GPR39: variants seen among roughly 807,000 people sequenced by gnomAD.
GPR39 encodes the protein G protein-coupled receptor 39.
A neutral mutation model predicts 18.4 loss-of-function variants in GPR39; 23 were observed. That is an observed-to-expected ratio of 1.25 (90% confidence interval 0.90 to 1.77). The LOEUF is 1.77. Ranked by LOEUF, GPR39 falls within the 40% of genes most tolerant of loss-of-function variation. The pLI, the probability that GPR39 is intolerant of heterozygous loss-of-function variation, is 0.00. For synonymous variants in GPR39, 280 were observed against 257.9 expected (o/e 1.09, Z -0.82); for missense variants, 647 against 602.4 (o/e 1.07, Z -0.78).
intron 1 of GPR39, among the ~76,000 whole-genome samples, chr2:132,491,257 A>G (rs1681454719): frequency 6.6e-6 from 1 of 152,156 alleles, no homozygotes. Flanking sequence ...GCCCAGCTTG[A>G]GAAGAGAAGA....
chr2:132,480,529 A>G (rs1275286195), intron 1 of GPR39, among the ~76,000 whole-genome samples: 1 of 152,170 alleles, frequency 6.6e-6, no homozygotes, highest in Non-Finnish European at 1.5e-5. Flanking sequence ...CTGTTGCCCT[A>G]GGCTTGATGA....
intron 1 of GPR39, among the ~76,000 whole-genome samples, chr2:132,424,868 C>A (rs1680089508): frequency 6.6e-6 from 1 of 152,148 alleles, no homozygotes; most frequent in Non-Finnish European, 1.5e-5. Flanking sequence ...ATTAGGCAGA[C>A]CTCTGGCCCT....
chr2:132,464,856 C>A (rs1436865735), intron 1 of GPR39, among the ~76,000 whole-genome samples: 1 of 152,262 alleles, frequency 6.6e-6, no homozygotes, highest in East Asian at 1.9e-4. Context: ...TAGTCTTGTT[C>A]TCTTACACGT....
chr2:132,557,251 G>A (rs991903518), intron 1 of GPR39, among the ~76,000 whole-genome samples: 2 of 152,160 alleles, frequency 1.3e-5, no homozygotes, highest in African/African-American at 4.8e-5. Context: ...CCCAGGAGGG[G>A]AAGTTGGAGT....
chr2:132,533,315 G>A (rs1024012109), intron 1 of GPR39, among the ~76,000 whole-genome samples: 7 of 151,864 alleles, frequency 4.6e-5, no homozygotes, highest in African/African-American at 1.5e-4. Context: ...TTCAAGGAGA[G>A]CTACAAACCA....
chr2:132,591,364 T>TTGAACAC (rs1680840825), intron 1 of GPR39, among the ~76,000 whole-genome samples: 1 of 151,828 alleles, frequency 6.6e-6, no homozygotes, highest in South Asian at 2.1e-4. Flanking sequence ...CTTCCTGCCC[T>TTGAACAC]TGAACACTGG....
intron 1 of GPR39, among the ~76,000 whole-genome samples, chr2:132,612,688 G>A (rs937295722): frequency 1.3e-5 from 2 of 152,174 alleles, no homozygotes; most frequent in African/African-American, 4.8e-5. Flanking sequence ...CTGTTGCTCA[G>A]TTTATTTTTG....
At chr2:132,418,311 T>G (rs1241269862) in intron 1 of GPR39, among the ~76,000 whole-genome samples, 9 of 152,328 alleles carry the variant, frequency 5.9e-5, no homozygotes, top group Non-Finnish European at 1.2e-4. Flanking sequence ...GGGAACCGTC[T>G]TATCTAGCTC....
intron 1 of GPR39, among the ~76,000 whole-genome samples, chr2:132,611,647 A>C (rs1294888047): frequency 5.4e-5 from 8 of 149,196 alleles, no homozygotes; most frequent in Admixed American, 5.4e-4. Context: ...AAAAAAGTGG[A>C]GCTTCATGGC....
rs543435488 is a variant in GPR39, at chr2:132,453,851, G to A, written c.856+35953G>A. Among the ~76,000 whole-genome samples the A allele has an allele frequency of 2.6e-5, 4 of 152,164 alleles. No homozygotes were observed. The South Asian group carries it at 8.3e-4, about 32-fold the overall frequency. ...TTTCATTGGTCTATATGTCTGTTTT[G>A]GTATCAGCACCATGCTGTTTTGGTT... On this transcript the variant is annotated intron_variant, in intron 1 of 1. Coordinates refer to ENST00000329321, the MANE Select transcript of GPR39 (RefSeq NM_001508.3).
intron 1 of GPR39, among the ~76,000 whole-genome samples, chr2:132,590,818 CGTGTGTGT>C (rs3066458): frequency 6.2e-5 from 9 of 144,006 alleles, no homozygotes; most frequent in East Asian, 4.2e-4. Flanking sequence ...AAGTATTGTT[CGTGTGTGT>C]GTGTGTGTGT....
intron 1 of GPR39, among the ~76,000 whole-genome samples, chr2:132,542,065 C>T (rs745617692): frequency 5.9e-5 from 9 of 152,096 alleles, no homozygotes; most frequent in Non-Finnish European, 1.3e-4. Context: ...GCTCTCAGGA[C>T]CTAATCAACT....
intron 1 of GPR39, among the ~76,000 whole-genome samples, chr2:132,580,575 G>T (rs979102637): frequency 2.0e-5 from 3 of 152,060 alleles, no homozygotes; most frequent in African/African-American, 4.8e-5. Flanking sequence ...TTATGGAGAG[G>T]TTCCACCATA....
intron 1 of GPR39, among the ~76,000 whole-genome samples, chr2:132,507,187 G>A (rs189707370): frequency 6.6e-6 from 1 of 152,082 alleles, no homozygotes; most frequent in Admixed American, 6.5e-5. Flanking sequence ...AACCATAGCA[G>A]CATATAATTA....
At chr2:132,482,330 TTC>T (rs1331628499) in intron 1 of GPR39, among the ~76,000 whole-genome samples, 1 of 152,238 alleles carries the variant, frequency 6.6e-6, no homozygotes, top group East Asian at 1.9e-4. Flanking sequence ...ACACTCATGT[TTC>T]TCTGTTAGGT....
chr2:132,499,938 C>A (rs1456923346), intron 1 of GPR39, among the ~76,000 whole-genome samples: 1 of 152,104 alleles, frequency 6.6e-6, no homozygotes, highest in East Asian at 1.9e-4. Context: ...ATTTTGTATC[C>A]TGAAACTTTG....
rs993145837 is a variant in GPR39, at chr2:132,493,272, T to C, written c.856+75374T>C. On this transcript the variant is annotated intron_variant, in intron 1 of 1. Transcript: ENST00000329321. The stretch of plus-strand genomic sequence containing the variant: ...ATATACACCATATATATACCATATA[T>C]GTATACCATATATACCATATATATA... Among the ~76,000 whole-genome samples, 10 of 144,726 alleles carry C rather than the reference T, an allele frequency of 6.9e-5. No homozygotes were observed. In the East Asian group the frequency reaches 2.0e-3, roughly 29 times the overall value. The allele number at this position is 144,726 out of a possible 152,430, so 94.9% of individuals were successfully genotyped here.
At chr2:132,523,540 A>T (rs1031667378) in intron 1 of GPR39, 4 of 152,102 alleles carry the variant, frequency 2.6e-5, no homozygotes, top group African/African-American at 4.8e-5. Context: ...TGGGCAATTT[A>T]GTTAGCATCT....
chr2:132,615,936 C>CTT (rs35978559), intron 1 of GPR39, among the ~76,000 whole-genome samples: 1 of 134,144 alleles, frequency 7.5e-6, no homozygotes, highest in African/African-American at 2.8e-5. Context: ...CATTCCAGCT[C>CTT]TTTTTTTTTT....
Sources: gnomAD v4.1 joint callset for allele counts (sites outside exome capture counted in the v4.1 genomes callset) on GRCh38, gnomAD v4.1.1 for gene constraint, MANE v1.5 for transcripts, NCBI Gene and HGNC (gene_info 2026-07-23, HGNC 2026-07-21) for gene names.